Variants in NTRK1 observed in about 807,000 individuals in gnomAD.
The protein encoded by NTRK1 is high affinity nerve growth factor receptor.
Under a neutral mutation model 86.8 loss-of-function variants are expected in NTRK1, and 62 were observed. The ratio of observed to expected loss-of-function variants is 0.71; its 90% CI spans 0.58 to 0.88. The LOEUF is 0.88. Among genes scored for constraint, NTRK1 ranks in the 40% least tolerant of loss-of-function variants. The pLI is 0.00. For synonymous variants in NTRK1, 469 were observed against 456.6 expected, an observed-to-expected ratio of 1.03 and a Z score of -0.35; for missense variants, 967 against 1,078.4, an observed-to-expected ratio of 0.90 and a Z score of 1.45.
chr1:156,841,766 C>T, intron 1 of NTRK1: 2 of 1,614,180 alleles, frequency 1.2e-6, no homozygotes, highest in Non-Finnish European at 1.7e-6. Flanking sequence ...AATAGTCTGT[C>T]TCATACACGT....
chr1:156,868,467 C>G, intron 5 of NTRK1, 38 bp from the exon 6 acceptor site: 1 of 1,551,728 alleles, frequency 6.4e-7, no homozygotes, highest in African/African-American at 1.4e-5. Flanking sequence ...ACTCCCAGCT[C>G]TAACACCCCT....
upstream of NTRK1, among the ~76,000 whole-genome samples, chr1:156,858,143 C>G (rs1044846106): frequency 6.6e-6 from 1 of 152,194 alleles, no homozygotes; most frequent in Admixed American, 6.5e-5. Context: ...GGCAACATTG[C>G]CTCCATTACT....
intron 15 of NTRK1, 114 bp from the exon 16 acceptor site, chr1:156,879,885 G>A: frequency 1.5e-6 from 2 of 1,363,248 alleles, no homozygotes; most frequent in Non-Finnish European, 2.0e-6. Context: ...TGGGATTACA[G>A]GCGTGAACCA....
At chr1:156,829,470 A>C (rs1227442573) in intron 1 of NTRK1, among the ~76,000 whole-genome samples, 1 of 152,142 alleles carries the variant, frequency 6.6e-6, no homozygotes, top group Admixed American at 6.5e-5. Flanking sequence ...CTGCCTCCCC[A>C]GCCCAGGTTC....
At chr1:156,865,993 T>C (rs1040659109) in intron 3 of NTRK1, among the ~76,000 whole-genome samples, 4 of 152,228 alleles carry the variant, frequency 2.6e-5, no homozygotes, top group Non-Finnish European at 4.4e-5. Context: ...ATCTTCACAA[T>C]CAACCTGGTG....
chr1:156,875,843 C>T (rs1005733811), intron 12 of NTRK1, 177 bp downstream of exon 12: 5 of 1,121,684 alleles, frequency 4.5e-6, no homozygotes, highest in Non-Finnish European at 6.4e-6. Flanking sequence ...CAGCCTGGCT[C>T]TTAGCTGCAT....
intron 1 of NTRK1, among the ~76,000 whole-genome samples, chr1:156,829,139 C>G (rs771945285): frequency 6.6e-6 from 1 of 152,010 alleles, no homozygotes; most frequent in Non-Finnish European, 1.5e-5. Context: ...TTTCAGCTCA[C>G]GATAGGAGTG....
Position 156,854,420 on chromosome 1 carries a change from C to A in NTRK1, c.51-9934C>A. On this transcript the variant is annotated intron_variant, in intron 2 of 16. Transcript: ENST00000392302. This position sits in a 1 kb window ranked among gnomAD's most constrained non-coding sequence, Gnocchi z 4.2. ...GTAGGACAATGAGTGAGGAGCCGGGCTCTGCTCTGGGTGTGGGGTGGCCTC... is the reference window on the plus strand; with the variant it reads ...GTAGGACAATGAGTGAGGAGCCGGGATCTGCTCTGGGTGTGGGGTGGCCTC... The A allele has an allele frequency of 8.9e-7, 1 of 1,125,634 alleles. No homozygotes were observed. Among genetic ancestry groups the A allele is most frequent in the Non-Finnish European group, 1.2e-6 (1 of 805,230 alleles). 69.7% of individuals were successfully genotyped at this position (1,125,634 alleles called of 1,614,324 possible).
At position 156,844,236 on chromosome 1, in the gene NTRK1, G is replaced by A. The variant is rs1397132963; in HGVS notation, c.50+2043G>A. 1 of 1,613,952 alleles carries A rather than the reference G, an allele frequency of 6.2e-7. No homozygotes were observed. Among genetic ancestry groups the A allele is most frequent in the East Asian group, 2.2e-5 (1 of 44,876 alleles). ...ACGATGAGCAGCGTGAGCCCCACAGGGGTGGCAGTGAGGAGGACATGCAGC... is the reference window on the plus strand; with the variant it reads ...ACGATGAGCAGCGTGAGCCCCACAGAGGTGGCAGTGAGGAGGACATGCAGC... On this transcript the variant is annotated intron_variant, in intron 2 of 16. Transcript: ENST00000392302.
intron 2 of NTRK1, chr1:156,851,233 G>A (rs1378628630): frequency 1.9e-6 from 3 of 1,601,108 alleles, no homozygotes; most frequent in Non-Finnish European, 2.6e-6. Flanking sequence ...CCACTGTTCT[G>A]GGAGTGTTGG....
chr1:156,864,704 T>A, intron 2 of NTRK1, 24 bp from the exon 3 acceptor site: 19 of 1,613,084 alleles, frequency 1.2e-5, no homozygotes, highest in Non-Finnish European at 1.6e-5. Flanking sequence ...ACCTGGGGAC[T>A]GATCCTCCTG....
At chr1:156,880,569 C>A (rs1239450192) in intron 16 of NTRK1, 1 of 188,418 alleles carries the variant, frequency 5.3e-6, no homozygotes, top group Admixed American at 5.6e-5. Flanking sequence ...AGTCCTACCC[C>A]CTCCCCCTGC....
chr1:156,846,657 GCTC>G (rs1407429163), intron 2 of NTRK1: 10 of 1,614,138 alleles, frequency 6.2e-6, no homozygotes, highest in Non-Finnish European at 8.5e-6. Flanking sequence ...GTCACCCCTG[GCTC>G]CTGGGTGCGG....
intron 1 of NTRK1, among the ~76,000 whole-genome samples, chr1:156,863,937 G>A (rs1031118826): frequency 1.5e-4 from 23 of 152,138 alleles, no homozygotes; most frequent in African/African-American, 5.6e-4. Context: ...AGAGATGGAC[G>A]TGAGCTTTGT....
chr1:156,881,399 C>T (rs1648248003), intron 16 of NTRK1, 58 bp from the exon 17 acceptor site: 1 of 1,529,268 alleles, frequency 6.5e-7, no homozygotes, highest in African/African-American at 1.4e-5. Context: ...TGGGACTGGC[C>T]TCACTCTCTT....
At chr1:156,847,371 C>T (rs1052390848) in intron 2 of NTRK1, among the ~76,000 whole-genome samples, 5 of 152,202 alleles carry the variant, frequency 3.3e-5, no homozygotes, top group African/African-American at 7.2e-5. Flanking sequence ...AGGCCAGTTT[C>T]GGGGCAGGGC....
In NTRK1 at chr1:156,864,448, T is replaced by G; in HGVS notation, c.287+20T>G. 2 of 1,611,896 alleles carry G rather than the reference T, an allele frequency of 1.2e-6. No individual in the cohort carries two copies. The highest frequency in any genetic ancestry group is 1.7e-6 in the Non-Finnish European group (2 of 1,178,322). On this transcript the variant is annotated intron_variant, in intron 2 of 16. Transcript: ENST00000524377. The stretch of plus-strand genomic sequence containing the variant: ...AAACCTGTGAGGGAAACGGGGACTG[T>G]GGGTGTGGAGCTCAGCATGGGCCTG...
rs1655326275 is a variant in NTRK1, at chr1:156,854,031, T to C, written c.51-10323T>C. ...AGTGCCACGTCACGCAGATGTGGCA[T>C]CTCAAAGATGACCAGTGCATAGCCC... is the stretch of plus-strand genomic sequence containing the variant. On this transcript the variant is annotated intron_variant, in intron 2 of 16. Transcript: ENST00000392302. The surrounding 1 kb of genome is among the most constrained non-coding windows in gnomAD (Gnocchi z 4.2). 2 of 1,613,948 alleles carry C rather than the reference T, an allele frequency of 1.2e-6. No individual in the cohort carries two copies. Among genetic ancestry groups the C allele is most frequent in the Non-Finnish European group, 8.5e-7 (1 of 1,180,010 alleles).
At chr1:156,881,418 C>A (rs1357154925) in intron 16 of NTRK1, 39 bp from the exon 17 acceptor site, 1 of 1,546,796 alleles carries the variant, frequency 6.5e-7, no homozygotes, top group Non-Finnish European at 8.7e-7. Context: ...TTGCCCCCAG[C>A]CTAGTGGGCT....
Sources: gnomAD v4.1 joint callset for allele counts (sites outside exome capture counted in the v4.1 genomes callset) on GRCh38, gnomAD v4.1.1 for gene constraint, Gnocchi (gnomAD v3.1) non-coding constraint, MANE v1.5 for transcripts, NCBI Gene and HGNC (gene_info 2026-07-23, HGNC 2026-07-21) for gene names.